The following EML6 variants were observed in gnomAD, a reference collection of about 807,000 sequenced individuals.
The protein encoded by EML6 is EMAP like 6, also known as echinoderm microtubule-associated protein-like 6.
Under a neutral mutation model 240.1 loss-of-function variants are expected in EML6, and 154 were observed. The ratio of observed to expected loss-of-function variants is 0.64; its 90% CI spans 0.56 to 0.73. The LOEUF is 0.73. Ranked by LOEUF, EML6 falls within the 30% of genes least tolerant of loss-of-function variation. The pLI, the probability that EML6 is intolerant of heterozygous loss-of-function variation, is 0.00. For missense variants in EML6, 2,964 were observed against 2,474.6 expected (o/e 1.20, Z -4.20); for synonymous variants, 1,148 against 899.0 (o/e 1.28, Z -4.95).
chr2:54,850,422 T>C (rs1239077659), intron 10 of EML6: 8 of 547,388 alleles, frequency 1.5e-5, no homozygotes, highest in Non-Finnish European at 1.9e-5. Flanking sequence ...AGGTATGAGT[T>C]GGAACATGTT....
chr2:54,873,432 C>G (rs1251628550), intron 16 of EML6, among the ~76,000 whole-genome samples: 1 of 152,202 alleles, frequency 6.6e-6, no homozygotes, highest in Non-Finnish European at 1.5e-5. Flanking sequence ...GTCAGTAATT[C>G]ACTCAATAAA....
chr2:54,938,598 G>A (rs1675271270), intron 28 of EML6, among the ~76,000 whole-genome samples: 1 of 152,154 alleles, frequency 6.6e-6, no homozygotes, highest in Non-Finnish European at 1.5e-5. Context: ...CACAGTATAA[G>A]TAACTACTAC....
intron 28 of EML6, among the ~76,000 whole-genome samples, chr2:54,946,270 C>A (rs917034855): frequency 6.6e-6 from 1 of 152,198 alleles, no homozygotes; most frequent in Non-Finnish European, 1.5e-5. Flanking sequence ...CTCCTCCCAC[C>A]TCCAGTCTCT....
At chr2:54,920,566 C>A (rs1674170603) in intron 26 of EML6, among the ~76,000 whole-genome samples, 1 of 152,036 alleles carries the variant, frequency 6.6e-6, no homozygotes, top group Non-Finnish European at 1.5e-5. Context: ...TGTGATTTCT[C>A]CCAAGTATTT....
intron 17 of EML6, among the ~76,000 whole-genome samples, chr2:54,889,125 T>C (rs2104071613): frequency 6.6e-6 from 1 of 152,322 alleles, no homozygotes; most frequent in Middle Eastern, 3.4e-3. Flanking sequence ...TTTGTGTCTG[T>C]TTCAAGATTT....
rs1253478221 is a variant in EML6, at chr2:54,863,799, C to G, written c.1842C>G (p.Ser614=). 1 of 1,544,504 alleles carries G rather than the reference C, an allele frequency of 6.5e-7. No homozygotes were observed. The change falls in exon 13 of 42, where the codon TCC becomes TCG. Residue 614 remains serine (S), a synonymous_variant. Transcript: ENST00000356458. ...TCTCTGCAGAAGGTGGAGCTGATTC[C>G]TACAGTGAAGAATCTGATTCAGATT... The part of the protein sequence containing the change: ...ETAPQEGGAD[S]YSEESDSDLS...
intron 2 of EML6, among the ~76,000 whole-genome samples, chr2:54,797,455 T>A (rs180747464): frequency 6.6e-4 from 101 of 152,264 alleles, no homozygotes; most frequent in Non-Finnish European, 1.3e-3. Context: ...TAAGTCATGA[T>A]TTCATACACA....
chr2:54,726,435 A>T (rs1682911761), intron 2 of EML6, among the ~76,000 whole-genome samples: 1 of 93,256 alleles, frequency 1.1e-5, no homozygotes, highest in Admixed American at 1.2e-4. Context: ...ATGTGCTTAT[A>T]TTCCAGAGCC....
intron 28 of EML6, among the ~76,000 whole-genome samples, chr2:54,940,076 A>G (rs1379811907): frequency 6.6e-6 from 1 of 152,200 alleles, no homozygotes; most frequent in Non-Finnish European, 1.5e-5. Flanking sequence ...TACCAAACCA[A>G]AATTAGAAGT....
intron 2 of EML6, among the ~76,000 whole-genome samples, chr2:54,735,874 T>C (rs1683366937): frequency 6.6e-6 from 1 of 152,238 alleles, no homozygotes; most frequent in Non-Finnish European, 1.5e-5. Flanking sequence ...TTGTCTTTCC[T>C]GGCCTAGAAG....
Position 54,964,617 on chromosome 2 carries a change from ACAGTTGACTT to A in EML6, c.5379_5388del (p.Val1794MetfsTer9), listed in dbSNP as rs1558733449. On this transcript the variant is annotated frameshift_variant, in exon 38 of 42. Coordinates refer to ENST00000356458, the MANE Select transcript of EML6 (RefSeq NM_001039753.4). LOFTEE classifies it high-confidence loss of function. ...CTTAGCCGTTGGTTCTTCTGAACACACAGTTGACTTCTATGACCTCACTCAGGGCACAAAT... is the reference window on the plus strand; with the variant it reads ...CTTAGCCGTTGGTTCTTCTGAACACACTATGACCTCACTCAGGGCACAAAT... 1 of 1,552,418 alleles carries A rather than the reference ACAGTTGACTT, an allele frequency of 6.4e-7. No individual in the cohort carries two copies. The highest frequency in any genetic ancestry group is 1.2e-5 in the South Asian group (1 of 84,062).
intron 2 of EML6, among the ~76,000 whole-genome samples, chr2:54,793,414 A>G (rs902093063): frequency 9.4e-5 from 13 of 137,964 alleles, no homozygotes; most frequent in African/African-American, 3.3e-4. Flanking sequence ...GGGTCCCAGC[A>G]TATCGTAACT....
chr2:54,845,719 C>G (rs967605297), intron 8 of EML6, among the ~76,000 whole-genome samples: 1 of 152,166 alleles, frequency 6.6e-6, no homozygotes, highest in Non-Finnish European at 1.5e-5. Context: ...AGAACATACT[C>G]AGCTTGAGGC....
chr2:54,786,455 A>G (rs772855299), intron 2 of EML6, among the ~76,000 whole-genome samples: 2 of 152,230 alleles, frequency 1.3e-5, no homozygotes, highest in Non-Finnish European at 2.9e-5. Context: ...AACGGAGAAC[A>G]GTGCTCAGCC....
rs549710778 is a variant in EML6 at position 54,751,310 on chromosome 2, C to G, written c.197+26052C>G. ...CTTAGTGTAGTTCCTGAGAAACACA[C>G]GGGGATGTAAAGGAGCTTGGGCATG... On this transcript the variant is annotated intron_variant, in intron 2 of 41. Transcript: ENST00000356458. Among the ~76,000 whole-genome samples, 9 of 152,080 alleles carry G rather than the reference C, an allele frequency of 5.9e-5. No individual in the cohort carries two copies. The South Asian group carries it at 1.9e-3, about 32-fold the overall frequency.
intron 7 of EML6, among the ~76,000 whole-genome samples, chr2:54,830,612 G>A (rs763815413): frequency 6.6e-6 from 1 of 152,186 alleles, no homozygotes; most frequent in Non-Finnish European, 1.5e-5. Context: ...ATGTGGCAGT[G>A]CGCGGTGCTC....
chr2:54,858,541 T>C (rs1402411049), intron 11 of EML6, among the ~76,000 whole-genome samples: 1 of 152,198 alleles, frequency 6.6e-6, no homozygotes, highest in African/African-American at 2.4e-5. Context: ...AGTTTGACTT[T>C]ATTACGAAAC....
intron 28 of EML6, among the ~76,000 whole-genome samples, chr2:54,945,543 C>G (rs925289118): frequency 6.6e-6 from 1 of 152,148 alleles, no homozygotes; most frequent in African/African-American, 2.4e-5. Flanking sequence ...TGGTTTCTCA[C>G]AGGCTGTCCA....
intron 2 of EML6, among the ~76,000 whole-genome samples, chr2:54,742,971 G>C (rs956717512): frequency 6.6e-6 from 1 of 152,130 alleles, no homozygotes; most frequent in Non-Finnish European, 1.5e-5. Context: ...AAATTCCTAC[G>C]CATATTTCTG....
Sources: allele counts gnomAD v4.1 joint callset (sites outside exome capture counted in the v4.1 genomes callset), GRCh38; gene constraint gnomAD v4.1.1; transcripts MANE v1.5; gene names NCBI Gene and HGNC (gene_info 2026-07-23, HGNC 2026-07-21).